UBE2O: variants seen among roughly 807,000 people sequenced by gnomAD.
The protein encoded by UBE2O is ubiquitin conjugating enzyme E2 O, also known as (E3-independent) E2 ubiquitin-conjugating enzyme.
UBE2O carries 15 observed loss-of-function variants against 125.8 expected under a neutral mutation model. That is an observed-to-expected ratio of 0.12 (90% confidence interval 0.08 to 0.18). UBE2O has a LOEUF of 0.18. Ranked by LOEUF, UBE2O falls within the 10% of genes least tolerant of loss-of-function variation. UBE2O has a pLI of 1.00. For synonymous variants in UBE2O, 708 were observed against 703.2 expected, an observed-to-expected ratio of 1.01 and a Z score of -0.11; for missense variants, 1,280 against 1,723.6, an observed-to-expected ratio of 0.74 and a Z score of 4.56.
Position 76,399,362 on chromosome 17 carries a change from C to A in UBE2O, c.1628+87G>T. The A allele has an allele frequency of 7.6e-7, 1 of 1,320,240 alleles. No individual in the cohort carries two copies. The highest frequency in any genetic ancestry group is 1.1e-6 in the Non-Finnish European group (1 of 937,940). The allele number at this position is 1,320,240 out of a possible 1,614,324, so 81.8% of individuals were successfully genotyped here. A position where few individuals can be genotyped will look rare whatever the true frequency, so the allele number is the denominator to read the frequency against. On this transcript the variant is annotated intron_variant, in intron 9 of 17. Transcript: ENST00000319380. The surrounding 1 kb of genome is among the most constrained non-coding windows in gnomAD (Gnocchi z 6.9). ...TACAAGGCATGCAGAGGTGTGTGTG[C>A]GAGCGCAGGCACGCACACCGAGGGG...
At position 76,452,854 on chromosome 17, in the gene UBE2O, G is replaced by C. The variant is rs894980221; in HGVS notation, c.288C>G (p.Arg96=). 7.3e-6 allele frequency: 11 copies of C among 1,503,772 alleles called. No individual in the cohort carries two copies. Among genetic ancestry groups the C allele is most frequent in the Non-Finnish European group, 9.8e-6 (11 of 1,126,450 alleles). The allele number at this position is 1,503,772 out of a possible 1,614,324, so 93.2% of individuals were successfully genotyped here. The change falls in exon 1 of 18, where the codon CGC becomes CGG. Residue 96 remains arginine (R), a synonymous_variant. Coordinates refer to ENST00000319380, the MANE Select transcript of UBE2O (RefSeq NM_022066.4). The surrounding 1 kb of genome is among the most constrained non-coding windows in gnomAD (Gnocchi z 4.4). The part of the protein sequence containing the change: ...DSDSEGEEEG[R]GSSGCSEAGG... ...CGGCCTCGGAGCACCCCGAGCTCCC[G>C]CGGCCCTCCTCCTCGCCCTCCGAGT...
chr17:76,442,310 C>T (rs2143897600), intron 1 of UBE2O, among the ~76,000 whole-genome samples: 1 of 152,330 alleles, frequency 6.6e-6, no homozygotes, highest in South Asian at 2.1e-4. Context: ...ATTCATAGTA[C>T]TCTCAAAAGA....
Position 76,396,780 on chromosome 17 carries a change from G to A in UBE2O, c.2157C>T (p.Tyr719=), listed in dbSNP as rs553354745. ...NIESEIEESD[Y]DSVEGSTSGA... Reference sequence around the variant, plus strand: ...CGCTGGTGCTGCCTTCTACCGAATCGTAGTCTGACTCCTCAATCTCAGACT... The same window carrying A: ...CGCTGGTGCTGCCTTCTACCGAATCATAGTCTGACTCCTCAATCTCAGACT... The change falls in exon 14 of 18, where the codon TAC becomes TAT. Residue 719 remains tyrosine, a synonymous_variant. Coordinates refer to ENST00000319380, the MANE Select transcript of UBE2O (RefSeq NM_022066.4). The surrounding 1 kb of genome is among the most constrained non-coding windows in gnomAD (Gnocchi z 6.7). The A allele has an allele frequency of 2.6e-5, 42 of 1,610,832 alleles. No individual in the cohort carries two copies. The highest frequency in any genetic ancestry group is 1.8e-4 in the South Asian group (16 of 90,548).
rs376734404 is a variant in UBE2O, at chr17:76,390,990, C to A, written c.3832G>T (p.Ala1278Ser). 2.9e-5 allele frequency: 47 copies of A among 1,613,116 alleles called. No homozygotes were observed. The highest frequency in any genetic ancestry group is 2.5e-6 in the Non-Finnish European group (3 of 1,179,712). Residue 1278 changes from alanine (A) to serine (S), a missense_variant, in exon 18 of 18, where the codon GCT becomes TCT. By Grantham distance (99) the Ala-to-Ser change is moderately conservative. Transcript: ENST00000319380. Reference protein sequence around the residue: ...SIRGVLTQFRAALLEAGMPEC... With the variant: ...SIRGVLTQFRSALLEAGMPEC... Reference sequence around the variant, plus strand: ...GGCATGCCTGCCTCTAGCAGGGCAGCCCGGAACTGCGTCAGGACACCCCGG... The same window carrying A: ...GGCATGCCTGCCTCTAGCAGGGCAGACCGGAACTGCGTCAGGACACCCCGG...
intron 1 of UBE2O, among the ~76,000 whole-genome samples, chr17:76,451,933 A>T (rs541139721): frequency 6.6e-6 from 1 of 152,108 alleles, no homozygotes; most frequent in East Asian, 1.9e-4. Context: ...CACCCCAAAA[A>T]CCATACGGGA....
chr17:76,402,143 G>C lies in UBE2O; in HGVS notation c.687-16C>G, dbSNP rs752808182. 51 of 1,612,722 alleles carry C rather than the reference G, an allele frequency of 3.2e-5. No homozygotes were observed. Among genetic ancestry groups the C allele is most frequent in the Non-Finnish European group, 3.3e-5 (39 of 1,179,714 alleles). The stretch of plus-strand genomic sequence containing the variant: ...CATGGAGCACCTAAAACAGAGAACA[G>C]AGGTTTGGTCTCCACCAGGGGACAC... On this transcript the variant is annotated splice_polypyrimidine_tract_variant and intron_variant, in intron 4 of 17. Coordinates refer to ENST00000319380, the MANE Select transcript of UBE2O (RefSeq NM_022066.4). The surrounding 1 kb of genome is among the most constrained non-coding windows in gnomAD (Gnocchi z 5.4).
chr17:76,427,231 T>A (rs1405595626), intron 1 of UBE2O, among the ~76,000 whole-genome samples: 3 of 152,212 alleles, frequency 2.0e-5, no homozygotes, highest in Admixed American at 1.3e-4. Context: ...CTTCTGCAGA[T>A]CTGTTTTCCA....
Position 76,452,582 on chromosome 17 carries a change from G to T in UBE2O, c.417+143C>A. On this transcript the variant is annotated intron_variant, in intron 1 of 17. Transcript: ENST00000319380. The surrounding 1 kb of genome is among the most constrained non-coding windows in gnomAD (Gnocchi z 4.4). ...CTGCTGCAATGACTTTGCATGGAGT[G>T]TACCCTCCACTGGGGCTGTCCTCCC... 1.3e-6 allele frequency: 1 copy of T among 743,866 alleles called. No homozygotes were observed. The highest frequency in any genetic ancestry group is 1.9e-6 in the Non-Finnish European group (1 of 529,982). 46.1% of individuals were successfully genotyped at this position (743,866 alleles called of 1,614,324 possible).
intron 1 of UBE2O, among the ~76,000 whole-genome samples, chr17:76,415,852 A>AAT (rs986959865): frequency 2.0e-5 from 3 of 147,668 alleles, no homozygotes; most frequent in East Asian, 2.0e-4. Context: ...TGTATATACA[A>AAT]ATATATATAC....
chr17:76,397,934 A>T, intron 12 of UBE2O, 46 bp from the exon 13 acceptor site: 2 of 1,596,468 alleles, frequency 1.3e-6, no homozygotes, highest in Non-Finnish European at 1.7e-6. Flanking sequence ...CTCAAGCTCC[A>T]GCTCCCCAGC....
Position 76,452,996 on chromosome 17 carries a change from T to TCCGAGGACGGCCCGGAGG in UBE2O, c.128_145dup (p.Ala43_Ser48dup), listed in dbSNP as rs1354864359. 1.3e-6 allele frequency: 2 copies of TCCGAGGACGGCCCGGAGG among 1,488,754 alleles called. No individual in the cohort carries two copies. Among genetic ancestry groups the TCCGAGGACGGCCCGGAGG allele is most frequent in the African/African-American group, 2.9e-5 (2 of 68,150 alleles). The allele number at this position is 1,488,754 out of a possible 1,614,324, so 92.2% of individuals were successfully genotyped here. On this transcript the variant is annotated inframe_insertion, in exon 1 of 18. Coordinates refer to ENST00000319380, the MANE Select transcript of UBE2O (RefSeq NM_022066.4). This position sits in a 1 kb window ranked among gnomAD's most constrained non-coding sequence, Gnocchi z 4.4. ...CTGCGAGCCGGCTTCTGGGCCGGAGTCCGAGGACGGCCCGGAGGCCGAGTC... is the reference window on the plus strand; with the variant it reads ...CTGCGAGCCGGCTTCTGGGCCGGAGTCCGAGGACGGCCCGGAGGCCGAGGACGGCCCGGAGGCCGAGTC...
intron 1 of UBE2O, among the ~76,000 whole-genome samples, chr17:76,439,236 T>TGCCTAGAACGCGGCAGGTGCCAAC (rs1397444309): frequency 1.3e-5 from 2 of 152,220 alleles, no homozygotes; most frequent in Non-Finnish European, 2.9e-5. Context: ...CCAGTGACTG[T>TGCCTAGAACGCGGCAGGTGCCAAC]GCCTAGAACG....
intron 1 of UBE2O, among the ~76,000 whole-genome samples, chr17:76,415,795 CTGTGTGTGTG>C (rs34127040): frequency 1.6e-4 from 23 of 143,282 alleles, no homozygotes; most frequent in Admixed American, 5.6e-4. Flanking sequence ...CAGAGCAAGA[CTGTGTGTGTG>C]TGTGTGTGTG....
At chr17:76,433,841 G>A (rs115337520) in intron 1 of UBE2O, among the ~76,000 whole-genome samples, 1 of 152,292 alleles carries the variant, frequency 6.6e-6, no homozygotes, top group African/African-American at 2.4e-5. Context: ...GGGCAACATA[G>A]TGAGATGGTG....
At chr17:76,413,543 C>T (rs1463874621) in intron 1 of UBE2O, among the ~76,000 whole-genome samples, 1 of 152,066 alleles carries the variant, frequency 6.6e-6, no homozygotes, top group Non-Finnish European at 1.5e-5. Context: ...TTGAAAAAAC[C>T]CGTTCAGTTG....
At chr17:76,433,655 GGA>G (rs2072938410) in intron 1 of UBE2O, among the ~76,000 whole-genome samples, 1 of 151,302 alleles carries the variant, frequency 6.6e-6, no homozygotes, top group South Asian at 2.1e-4. Context: ...CCCAGGAGGT[GGA>G]GTGAGTATTG....
At chr17:76,392,390 C>G (rs1046570748) in intron 15 of UBE2O, among the ~76,000 whole-genome samples, 1 of 152,012 alleles carries the variant, frequency 6.6e-6, no homozygotes, top group Admixed American at 6.6e-5. Flanking sequence ...TGCAGCCTCC[C>G]AAGTAGCCGG....
rs747956830 is a variant in UBE2O at position 76,398,907 on chromosome 17, G to A, written c.1713C>T (p.Asn571=). Residue 571 remains asparagine, a synonymous_variant, in exon 10 of 18, where the codon AAC becomes AAT. Transcript: ENST00000319380. The surrounding 1 kb of genome is among the most constrained non-coding windows in gnomAD (Gnocchi z 5.4). The part of the protein sequence containing the change: ...DGSVECNIRS[N]DLFPVHHLDN... Reference sequence around the variant, plus strand: ...CCAGGTGGTGCACAGGGAAGAGGTCGTTGGAGCGGATGTTGCATTCCACGG... The same window carrying A: ...CCAGGTGGTGCACAGGGAAGAGGTCATTGGAGCGGATGTTGCATTCCACGG... The A allele has an allele frequency of 2.2e-5, 35 of 1,614,008 alleles. No individual in the cohort carries two copies. Among genetic ancestry groups the A allele is most frequent in the South Asian group, 6.6e-5 (6 of 91,088 alleles).
intron 1 of UBE2O, among the ~76,000 whole-genome samples, chr17:76,429,807 C>T (rs1055304135): frequency 6.6e-6 from 1 of 152,170 alleles, no homozygotes; most frequent in African/African-American, 2.4e-5. Flanking sequence ...CTGGGATTTG[C>T]TCTTTTAGTG....
Sources: allele counts gnomAD v4.1 joint callset (sites outside exome capture counted in the v4.1 genomes callset), GRCh38; gene constraint gnomAD v4.1.1; non-coding constraint Gnocchi (gnomAD v3.1); transcripts MANE v1.5; gene names NCBI Gene and HGNC (gene_info 2026-07-23, HGNC 2026-07-21).